PRKG1: variants seen among roughly 807,000 people sequenced by gnomAD.
PRKG1 encodes the protein protein kinase cGMP-dependent 1, also known as cGMP-dependent protein kinase 1.
A neutral mutation model predicts 88.1 loss-of-function variants in PRKG1; 35 were observed. That is an observed-to-expected ratio of 0.40 (90% CI 0.30 to 0.53). The LOEUF (loss-of-function observed/expected upper bound fraction) is 0.53. PRKG1 is among the 20% of genes least tolerant of loss of function. The pLI, the probability that PRKG1 is intolerant of heterozygous loss-of-function variation, is 0.59. For synonymous variants in PRKG1, 303 were observed against 292.5 expected (o/e 1.04, Z -0.37); for missense variants, 540 against 839.8 (o/e 0.64, Z 4.41).
chr10:51,591,683 T>G (rs887208286), intron 3 of PRKG1, among the ~76,000 whole-genome samples: 1 of 152,174 alleles, frequency 6.6e-6, no homozygotes, highest in African/African-American at 2.4e-5. Context: ...CCGTAAAAAC[T>G]TATCTGAGAT....
chr10:51,216,018 T>C (rs1307030429), intron 2 of PRKG1, among the ~76,000 whole-genome samples: 3 of 152,202 alleles, frequency 2.0e-5, no homozygotes, highest in Non-Finnish European at 4.4e-5. Context: ...GAGCAAATAT[T>C]AAGTGCCAAG....
chr10:52,246,652 G>A lies in PRKG1; in HGVS notation c.1077-4918G>A, dbSNP rs1242549269. Among the ~76,000 whole-genome samples the A allele has an allele frequency of 2.0e-5, 3 of 151,976 alleles. 1 individual carries two copies. Among genetic ancestry groups the A allele is most frequent in the South Asian group, 4.2e-4 (2 of 4,818 alleles). ...AGCACTTTGGGAGGCCGAGGCAGGCGGATCACCTGAGGTCGGGAGTTCAAG... is the reference window on the plus strand; with the variant it reads ...AGCACTTTGGGAGGCCGAGGCAGGCAGATCACCTGAGGTCGGGAGTTCAAG... On this transcript the variant is annotated intron_variant, in intron 9 of 17. Coordinates refer to ENST00000373980, the MANE Select transcript of PRKG1 (RefSeq NM_006258.4).
At chr10:51,560,149 A>T (rs1280831012) in intron 3 of PRKG1, among the ~76,000 whole-genome samples, 1 of 152,080 alleles carries the variant, frequency 6.6e-6, no homozygotes, top group Non-Finnish European at 1.5e-5. Flanking sequence ...AGCATTTTCA[A>T]TGGTAAAACA....
intron 2 of PRKG1, among the ~76,000 whole-genome samples, chr10:51,259,717 C>T (rs991820731): frequency 3.9e-5 from 6 of 152,148 alleles, no homozygotes; most frequent in African/African-American, 1.4e-4. Context: ...CTCAGATGAC[C>T]CACCCACCTT....
chr10:51,221,415 A>G (rs1334498965), intron 2 of PRKG1, among the ~76,000 whole-genome samples: 2 of 152,116 alleles, frequency 1.3e-5, no homozygotes, highest in Non-Finnish European at 2.9e-5. Flanking sequence ...GCACAAATTA[A>G]TTAAAATGAT....
rs1842376367 is a variant in PRKG1 at position 52,296,112 on chromosome 10, T to A, written c.*2212T>A. Reference sequence around the variant, plus strand: ...TAACTTTTGTTGAAAGATAATGTGGTTTAGGCTTGCTAAAGAAAGGCTTGC... The same window carrying A: ...TAACTTTTGTTGAAAGATAATGTGGATTAGGCTTGCTAAAGAAAGGCTTGC... On this transcript the variant is annotated 3_prime_UTR_variant, in exon 18 of 18. Coordinates refer to ENST00000373980, the MANE Select transcript of PRKG1 (RefSeq NM_006258.4). 6.6e-6 allele frequency: 1 copy of A among 152,054 alleles called. No individual in the cohort carries two copies. Among genetic ancestry groups the A allele is most frequent in the Non-Finnish European group, 1.5e-5 (1 of 67,948 alleles). The allele number at this position is 152,054 out of a possible 1,614,324, so 9.4% of individuals were successfully genotyped here. A position where few individuals can be genotyped will look rare whatever the true frequency, so the allele number is the denominator to read the frequency against.
intron 8 of PRKG1, among the ~76,000 whole-genome samples, chr10:52,152,521 A>C (rs759728139): frequency 6.6e-6 from 1 of 152,108 alleles, no homozygotes; most frequent in African/African-American, 2.4e-5. Flanking sequence ...CTGAGACCTG[A>C]ATGGTACTGA....
chr10:51,281,459 G>A (rs983160686), intron 2 of PRKG1, among the ~76,000 whole-genome samples: 16 of 152,256 alleles, frequency 1.1e-4, no homozygotes, highest in African/African-American at 2.4e-4. Flanking sequence ...ACAGAGCCTC[G>A]CTCATTGCTA....
chr10:52,012,489 G>A (rs1031134254), intron 5 of PRKG1, among the ~76,000 whole-genome samples: 14 of 151,958 alleles, frequency 9.2e-5, no homozygotes, highest in South Asian at 6.2e-4. Flanking sequence ...TGATCTACCC[G>A]CCTCAGCCTC....
intron 6 of PRKG1, among the ~76,000 whole-genome samples, chr10:52,059,375 AG>A (rs1219031768): frequency 6.6e-6 from 1 of 152,010 alleles, no homozygotes; most frequent in African/African-American, 2.4e-5. Flanking sequence ...CAGTGTTTGT[AG>A]CATCTCTATT....
chr10:52,226,328 C>G (rs1220664837), intron 9 of PRKG1, among the ~76,000 whole-genome samples: 3 of 152,064 alleles, frequency 2.0e-5, no homozygotes, highest in Admixed American at 6.6e-5. Context: ...GCATGATTTA[C>G]CAGTCTCAAG....
At chr10:51,204,332 T>C (rs1420577183) in intron 2 of PRKG1, among the ~76,000 whole-genome samples, 3 of 151,796 alleles carry the variant, frequency 2.0e-5, no homozygotes, top group Non-Finnish European at 4.4e-5. Flanking sequence ...TTTTTTCCAT[T>C]GGAACAGCTT....
At chr10:51,436,334 G>A (rs1222458605) in intron 2 of PRKG1, among the ~76,000 whole-genome samples, 2 of 151,968 alleles carry the variant, frequency 1.3e-5, no homozygotes, top group African/African-American at 2.4e-5. Context: ...TTGTGTTTTA[G>A]CAGACATAGA....
intron 1 of PRKG1, among the ~76,000 whole-genome samples, chr10:51,044,271 T>G (rs745866005): frequency 1.3e-5 from 2 of 152,192 alleles, no homozygotes; most frequent in Non-Finnish European, 2.9e-5. Context: ...GAGCCTAAAC[T>G]GGGTCTTGTG....
chr10:51,607,668 C>T (rs950261720), intron 3 of PRKG1, among the ~76,000 whole-genome samples: 12 of 152,178 alleles, frequency 7.9e-5, no homozygotes, highest in Non-Finnish European at 1.6e-4. Flanking sequence ...CTCCCCGCTG[C>T]CCAGGAGGTA....
At chr10:51,934,000 G>A (rs1481370410) in intron 5 of PRKG1, among the ~76,000 whole-genome samples, 1 of 152,042 alleles carries the variant, frequency 6.6e-6, no homozygotes, top group Non-Finnish European at 1.5e-5. Context: ...TTTTGAGTGA[G>A]CAGATTATTT....
At chr10:51,193,239 C>A (rs1014668493) in intron 2 of PRKG1, among the ~76,000 whole-genome samples, 1 of 151,928 alleles carries the variant, frequency 6.6e-6, no homozygotes, top group Non-Finnish European at 1.5e-5. Context: ...ATAGCTCGAG[C>A]ATAGAGTAGC....
At chr10:51,904,653 G>A (rs996451165) in intron 4 of PRKG1, among the ~76,000 whole-genome samples, 1 of 152,004 alleles carries the variant, frequency 6.6e-6, no homozygotes, top group African/African-American at 2.4e-5. Flanking sequence ...TTTTCTTTTT[G>A]TGAAGTCCAG....
chr10:51,774,970 T>G (rs79467339), intron 3 of PRKG1, among the ~76,000 whole-genome samples: 1,790 of 152,324 alleles, frequency 0.012, 20 homozygotes, highest in Non-Finnish European at 0.021. Context: ...TAACATTCTA[T>G]TTTATCAGTC....
Sources: allele counts gnomAD v4.1 joint callset (sites outside exome capture counted in the v4.1 genomes callset), GRCh38; gene constraint gnomAD v4.1.1; transcripts MANE v1.5; gene names NCBI Gene and HGNC (gene_info 2026-07-23, HGNC 2026-07-21).